Variants in NKIRAS1 observed in about 807,000 individuals in gnomAD.
NKIRAS1 encodes NF-kappa-B inhibitor-interacting Ras-like protein 1.
NKIRAS1 carries 16 observed loss-of-function variants against 19.8 expected under a neutral mutation model. The ratio of observed to expected loss-of-function variants is 0.81; its 90% CI spans 0.55 to 1.23. The LOEUF (loss-of-function observed/expected upper bound fraction) is 1.23. Among genes scored for constraint, NKIRAS1 ranks in the 50% most tolerant of loss-of-function variants. The pLI is 0.00. For synonymous variants in NKIRAS1, 88 were observed against 79.0 expected (o/e 1.11, Z -0.61); for missense variants, 184 against 220.0 (o/e 0.84, Z 1.04).
chr3:23,890,555 A>G lies in NKIRAS1; in HGVS notation c.*2540T>C. The G allele has an allele frequency of 6.2e-7, 1 of 1,613,856 alleles. No individual in the cohort carries two copies. The highest frequency in any genetic ancestry group is 8.5e-7 in the Non-Finnish European group (1 of 1,179,896). ...TTGCCACTCAGTATATGACCAACAG[A>G]GCAGAACATGACAGAATGGCCAGAC... On this transcript the variant is annotated 3_prime_UTR_variant, in exon 5 of 5. Coordinates refer to ENST00000425478, the MANE Select transcript of NKIRAS1 (RefSeq NM_020345.4).
Position 23,899,574 on chromosome 3 carries a change from A to G in NKIRAS1, c.336+1234T>C, listed in dbSNP as rs188370322. 4.5e-3 allele frequency among the ~76,000 whole-genome samples: 683 copies of G among 152,312 alleles called. 6 individuals are homozygous for G. Among genetic ancestry groups the G allele is most frequent in the African/African-American group, 0.016 (645 of 41,564 alleles). ...GAAGATCTGGAGAAAGATTTGAGAT[A>G]AGAGAGTTCCAGACAGGGAAACAAG... On this transcript the variant is annotated intron_variant, in intron 4 of 4. Transcript: ENST00000425478.
At chr3:23,935,347 G>T (rs1274560837) in intron 1 of NKIRAS1, among the ~76,000 whole-genome samples, 2 of 149,496 alleles carry the variant, frequency 1.3e-5, no homozygotes, top group Non-Finnish European at 3.0e-5. Flanking sequence ...GTTTATGAAA[G>T]AAAGGTGTTA....
chr3:23,916,423 TG>T (rs2125444230), intron 1 of NKIRAS1: 1 of 152,338 alleles, frequency 6.6e-6, no homozygotes, highest in Non-Finnish European at 1.5e-5. Context: ...TCTGAAAAAC[TG>T]TGGTTCTCAT....
chr3:23,917,816 C>T (rs186806469), upstream of NKIRAS1: 33 of 1,566,108 alleles, frequency 2.1e-5, no homozygotes, highest in South Asian at 7.0e-5. Flanking sequence ...GTACTTAAAG[C>T]GGATGATATT....
upstream of NKIRAS1, chr3:23,920,228 G>T: frequency 1.0e-6 from 1 of 985,862 alleles, no homozygotes; most frequent in Non-Finnish European, 1.2e-6. Context: ...TAACCGTAAT[G>T]CTAATTGTGA....
At chr3:23,909,451 T>G in intron 3 of NKIRAS1, among the ~76,000 whole-genome samples, 1 of 152,122 alleles carries the variant, frequency 6.6e-6, no homozygotes, top group Non-Finnish European at 1.5e-5. Context: ...TGGCTGAACC[T>G]GGGAGGCGGA....
At chr3:23,933,866 G>A (rs1344210290) in intron 1 of NKIRAS1, among the ~76,000 whole-genome samples, 2 of 152,114 alleles carry the variant, frequency 1.3e-5, no homozygotes, top group Non-Finnish European at 2.9e-5. Flanking sequence ...CTGGTAAAGG[G>A]CCCAGTCTCT....
At chr3:23,900,556 AC>A (rs1428738464) in intron 4 of NKIRAS1, among the ~76,000 whole-genome samples, 1 of 149,716 alleles carries the variant, frequency 6.7e-6, no homozygotes, top group South Asian at 2.1e-4. Context: ...AATCGCTTGT[AC>A]CCGGGAGGCG....
At chr3:23,907,187 C>T (rs959440615) in intron 3 of NKIRAS1, among the ~76,000 whole-genome samples, 1 of 152,212 alleles carries the variant, frequency 6.6e-6, no homozygotes, top group Admixed American at 6.5e-5. Context: ...AGCCACCACA[C>T]CCGGCTTCTT....
intron 4 of NKIRAS1, among the ~76,000 whole-genome samples, chr3:23,894,864 C>G (rs572075204): frequency 3.9e-4 from 59 of 152,314 alleles, no homozygotes; most frequent in African/African-American, 1.3e-3. Flanking sequence ...CTCCTCATCA[C>G]AGAGCTGACT....
chr3:23,941,766 T>C (rs928380717), intron 1 of NKIRAS1, among the ~76,000 whole-genome samples: 10 of 152,160 alleles, frequency 6.6e-5, no homozygotes, highest in Non-Finnish European at 1.3e-4. Flanking sequence ...TAGCCTCTAC[T>C]AGTTACTTGC....
intron 1 of NKIRAS1, among the ~76,000 whole-genome samples, chr3:23,933,861 A>C (rs896731915): frequency 1.3e-5 from 2 of 152,164 alleles, no homozygotes; most frequent in African/African-American, 4.8e-5. Context: ...GGTGTCTGGT[A>C]AAGGGCCCAG....
chr3:23,935,998 G>C (rs1045347658), intron 1 of NKIRAS1, among the ~76,000 whole-genome samples: 3 of 145,772 alleles, frequency 2.1e-5, no homozygotes, highest in Non-Finnish European at 4.5e-5. Flanking sequence ...TGGGAGAATT[G>C]CTTGAGCCCA....
In NKIRAS1 at chr3:23,892,278, G is replaced by A. The variant is rs1335026540; in HGVS notation, c.*817C>T. The A allele has an allele frequency of 6.6e-6, 1 of 152,294 alleles. No individual in the cohort carries two copies. Among genetic ancestry groups the A allele is most frequent in the Non-Finnish European group, 1.5e-5 (1 of 68,028 alleles). The allele number at this position is 152,294 out of a possible 1,614,324, so 9.4% of individuals were successfully genotyped here. ...CAGACATCTAAGTCAGATCAAATTAGAGCCCAATATTTTTGATACTTTTAT... is the reference window on the plus strand; with the variant it reads ...CAGACATCTAAGTCAGATCAAATTAAAGCCCAATATTTTTGATACTTTTAT... On this transcript the variant is annotated 3_prime_UTR_variant, in exon 5 of 5. Coordinates refer to ENST00000425478, the MANE Select transcript of NKIRAS1 (RefSeq NM_020345.4).
upstream of NKIRAS1, chr3:23,919,378 G>T: frequency 1.2e-6 from 2 of 1,602,732 alleles, no homozygotes; most frequent in South Asian, 2.2e-5. Flanking sequence ...TGCGTGGGCT[G>T]ACATCTGCAG....
In NKIRAS1 at chr3:23,892,353, T is replaced by C. The variant is rs1701532103; in HGVS notation, c.*742A>G. ...ACTATTCCAGAAGATACAGTCTTCC[T>C]TCCAGAAAATACAGCTTTACTGTCC... On this transcript the variant is annotated 3_prime_UTR_variant, in exon 5 of 5. Transcript: ENST00000425478. 6.6e-6 allele frequency: 1 copy of C among 152,218 alleles called. No individual in the cohort carries two copies. Among genetic ancestry groups the C allele is most frequent in the Admixed American group, 6.5e-5 (1 of 15,274 alleles). The allele number at this position is 152,218 out of a possible 1,614,324, so 9.4% of individuals were successfully genotyped here.
chr3:23,920,380 G>A (rs151176381), upstream of NKIRAS1: 5 of 985,372 alleles, frequency 5.1e-6, no homozygotes, highest in East Asian at 5.7e-4. Flanking sequence ...ACAAGCGCAT[G>A]GTTTCCAACC....
At chr3:23,900,699 G>A in intron 4 of NKIRAS1, 109 bp downstream of exon 4, 3 of 739,954 alleles carry the variant, frequency 4.1e-6, no homozygotes, top group Non-Finnish European at 4.3e-6. Flanking sequence ...AGGTTTTACA[G>A]ATACTAAGAA....
At chr3:23,908,632 AG>A (rs1703315565) in intron 3 of NKIRAS1, among the ~76,000 whole-genome samples, 1 of 152,160 alleles carries the variant, frequency 6.6e-6, no homozygotes, top group Non-Finnish European at 1.5e-5. Context: ...TGAGTTTATT[AG>A]TGTCATTTAG....
Sources: allele counts gnomAD v4.1 joint callset (sites outside exome capture counted in the v4.1 genomes callset), GRCh38; gene constraint gnomAD v4.1.1; transcripts MANE v1.5; gene names NCBI Gene and HGNC (gene_info 2026-07-23, HGNC 2026-07-21).